Variants in SUMF2 observed in about 807,000 individuals in gnomAD.
SUMF2 encodes inactive C-alpha-formylglycine-generating enzyme 2.
SUMF2 carries 45 observed loss-of-function variants against 44.8 expected under a neutral mutation model. That is an observed-to-expected ratio of 1.00 (90% CI 0.79 to 1.29). The LOEUF (loss-of-function observed/expected upper bound fraction) is 1.29, where lower values mean the gene tolerates loss of function less well. Among genes scored for constraint, SUMF2 ranks in the 50% most tolerant of loss-of-function variants. The pLI, the probability that SUMF2 is intolerant of heterozygous loss-of-function variation, is 0.00. For synonymous variants in SUMF2, 148 were observed against 150.4 expected (o/e 0.98, Z 0.12); for missense variants, 418 against 389.9 (o/e 1.07, Z -0.61).
At chr7:56,064,628 C>CT (rs1368765562) in intron 1 of SUMF2, among the ~76,000 whole-genome samples, 2 of 151,688 alleles carry the variant, frequency 1.3e-5, no homozygotes, top group Admixed American at 6.6e-5. Context: ...AATCCCAGCA[C>CT]TTTGGGAGGC....
chr7:56,083,795 C>T (rs1184797230), downstream of SUMF2: 22 of 971,168 alleles, frequency 2.3e-5, no homozygotes, highest in South Asian at 1.1e-4. Flanking sequence ...AGCTGCCTTC[C>T]ACCCTGATAC....
chr7:56,064,655 C>A (rs1356641819), intron 1 of SUMF2, among the ~76,000 whole-genome samples: 2 of 145,864 alleles, frequency 1.4e-5, no homozygotes, highest in Non-Finnish European at 3.0e-5. Flanking sequence ...GGGTGGATCA[C>A]TTGAGGTCAG....
Position 56,073,518 on chromosome 7 carries a change from C to T in SUMF2, c.339+407C>T, listed in dbSNP as rs185436020. 5.1e-3 allele frequency: 1,448 copies of T among 286,196 alleles called. 10 individuals are homozygous for T. The highest frequency in any genetic ancestry group is 7.1e-3 in the Non-Finnish European group (1,014 of 142,856). 17.7% of individuals were successfully genotyped at this position (286,196 alleles called of 1,614,324 possible). A position where few individuals can be genotyped will look rare whatever the true frequency, so the allele number is the denominator to read the frequency against. On this transcript the variant is annotated intron_variant, in intron 3 of 8. Transcript: ENST00000434526. ...AATTAGACAGGCATGGTGGCACGCT[C>T]CTGTAATCTGAGCTACTCAGGAGGC...
At chr7:56,083,623 C>T (rs754052983), downstream of SUMF2, 19 of 1,564,920 alleles carry the variant, frequency 1.2e-5, no homozygotes, top group Admixed American at 5.5e-5. Context: ...TGGGAGGGAG[C>T]GGAGAGAAGG....
At chr7:56,070,172 G>A (rs566372817) in intron 2 of SUMF2, among the ~76,000 whole-genome samples, 1 of 152,156 alleles carries the variant, frequency 6.6e-6, no homozygotes, top group East Asian at 1.9e-4. Context: ...GCCTCCTGAA[G>A]TGTTGGGATT....
intron 5 of SUMF2, among the ~76,000 whole-genome samples, chr7:56,075,045 C>T (rs1795447610): frequency 6.6e-6 from 1 of 152,046 alleles, no homozygotes; most frequent in Non-Finnish European, 1.5e-5. Flanking sequence ...CTGCGGCGAG[C>T]TATGATCGCA....
Position 56,076,862 on chromosome 7 carries a change from C to T in SUMF2, c.564C>T (p.Phe188=), listed in dbSNP as rs541718189. The change falls in exon 6 of 9, where the codon TTC becomes TTT. Residue 188 remains phenylalanine (F), a synonymous_variant. Transcript: ENST00000434526. The part of the protein sequence containing the change: ...KGQVYPWGNW[F]QPNRTNLWQG... ...AAGTTTACCCATGGGGGAACTGGTTCCAGCCAAACCGCACCAACCTGTGGC... is the reference window on the plus strand; with the variant it reads ...AAGTTTACCCATGGGGGAACTGGTTTCAGCCAAACCGCACCAACCTGTGGC... 3.1e-6 allele frequency: 5 copies of T among 1,606,472 alleles called. No individual in the cohort carries two copies. In the South Asian group the frequency reaches 5.6e-5, roughly 18 times the overall value.
chr7:56,083,679 C>T (rs1033629858), downstream of SUMF2: 2 of 1,586,020 alleles, frequency 1.3e-6, no homozygotes, highest in East Asian at 2.3e-5. Flanking sequence ...AGGTGACCTT[C>T]TCAGTGAGGT....
At chr7:56,087,156 C>T in the SUMF2 span, 4 of 700,108 alleles carry the variant, frequency 5.7e-6, no homozygotes, top group Non-Finnish European at 7.9e-6. Flanking sequence ...GGAGGGTGCT[C>T]AAAGACGTCA....
chr7:56,082,019 CGTGT>C, downstream of SUMF2: 1 of 1,613,824 alleles, frequency 6.2e-7, no homozygotes. Context: ...CGGCCAGCAG[CGTGT>C]ACATGATGAC....
At position 56,071,812 on chromosome 7, in the gene SUMF2, A is replaced by ATAAATAAATAAT. The variant is rs1175317309; in HGVS notation, c.225-1182_225-1181insATAAATAATTAA. Among the ~76,000 whole-genome samples the ATAAATAAATAAT allele has an allele frequency of 2.9e-4, 44 of 149,700 alleles. 2 individuals are homozygous for ATAAATAAATAAT. The highest frequency in any genetic ancestry group is 1.0e-3 in the African/African-American group (41 of 40,662). ...AATAAATAAATAAATAAATAAATAA[A>ATAAATAAATAAT]TAATTAAATAAAAAATAATTTGGGC... On this transcript the variant is annotated intron_variant, in intron 2 of 8. Coordinates refer to ENST00000434526, the MANE Select transcript of SUMF2 (RefSeq NM_015411.4).
In SUMF2 at chr7:56,073,273, A is replaced by C; in HGVS notation, c.339+162A>C. ...ACCATGGAGCGTCAGATCAGTACAC[A>C]CTCCCAGGAAGTTAACCCTGAACCC... On this transcript the variant is annotated intron_variant, in intron 3 of 8. Transcript: ENST00000434526. 3 of 692,574 alleles carry C rather than the reference A, an allele frequency of 4.3e-6. No individual in the cohort carries two copies. In the South Asian group the frequency reaches 4.5e-5, roughly 10 times the overall value. 42.9% of individuals were successfully genotyped at this position (692,574 alleles called of 1,614,324 possible).
chr7:56,072,445 A>T lies in SUMF2; in HGVS notation c.225-552A>T, dbSNP rs530514554. Among the ~76,000 whole-genome samples, 14 of 150,590 alleles carry T rather than the reference A, an allele frequency of 9.3e-5. No homozygotes were observed. The South Asian group carries it at 2.9e-3, about 32-fold the overall frequency. Reference sequence around the variant, plus strand: ...TGTCTCAAAAAAATAAATAAATAGGACAGGTGTGGTGGCTCACGCCTGTAA... The same window carrying T: ...TGTCTCAAAAAAATAAATAAATAGGTCAGGTGTGGTGGCTCACGCCTGTAA... On this transcript the variant is annotated intron_variant, in intron 2 of 8. Coordinates refer to ENST00000434526, the MANE Select transcript of SUMF2 (RefSeq NM_015411.4).
chr7:56,071,286 G>A (rs1795137745), intron 2 of SUMF2, among the ~76,000 whole-genome samples: 1 of 152,130 alleles, frequency 6.6e-6, no homozygotes, highest in African/African-American at 2.4e-5. Context: ...GGGCCCAGGA[G>A]GTCAAGGCTG....
intron 6 of SUMF2, 84 bp downstream of exon 6, chr7:56,076,973 A>T (rs971939846): frequency 7.3e-6 from 10 of 1,372,538 alleles, no homozygotes; most frequent in African/African-American, 5.8e-5. Flanking sequence ...CGCGGCATCC[A>T]GAAGGCTTGG....
At chr7:56,081,966 C>G, downstream of SUMF2, 2 of 1,613,928 alleles carry the variant, frequency 1.2e-6, no homozygotes. This position sits in a 1 kb window ranked among gnomAD's most constrained non-coding sequence, Gnocchi z 4.6. Flanking sequence ...CATGATCATC[C>G]TCAGCATCAG....
chr7:56,074,924 C>G, intron 5 of SUMF2, 188 bp downstream of exon 5: 1 of 627,388 alleles, frequency 1.6e-6, no homozygotes, highest in Non-Finnish European at 2.6e-6. Context: ...ATAGGGAGAC[C>G]CTGTCTCTCC....
At chr7:56,070,200 C>A (rs1304595406) in intron 2 of SUMF2, among the ~76,000 whole-genome samples, 1 of 152,118 alleles carries the variant, frequency 6.6e-6, no homozygotes. Flanking sequence ...TGAGCCACCA[C>A]GCCCGGCCAA....
At chr7:56,073,939 C>T in intron 3 of SUMF2, 1 of 568,050 alleles carries the variant, frequency 1.8e-6, no homozygotes, top group East Asian at 3.0e-5. Flanking sequence ...TACCTGAGTC[C>T]AGGAGGTTGA....
Sources: allele counts gnomAD v4.1 joint callset (sites outside exome capture counted in the v4.1 genomes callset), GRCh38; gene constraint gnomAD v4.1.1; non-coding constraint Gnocchi (gnomAD v3.1); transcripts MANE v1.5; gene names NCBI Gene and HGNC (gene_info 2026-07-23, HGNC 2026-07-21).